The following TENM3 variants were observed in gnomAD, a reference collection of about 807,000 sequenced individuals.
TENM3 encodes the protein teneurin transmembrane protein 3.
TENM3 carries 63 observed loss-of-function variants against 255.1 expected under a neutral mutation model. That is an observed-to-expected ratio of 0.25 (90% CI 0.20 to 0.30). The LOEUF (loss-of-function observed/expected upper bound fraction) is 0.30, where lower values mean the gene tolerates loss of function less well. TENM3 is among the 10% of genes least tolerant of loss of function. The pLI, the probability that TENM3 is intolerant of heterozygous loss-of-function variation, is 1.00. For missense variants in TENM3, 2,929 were observed against 3,461.1 expected, an observed-to-expected ratio of 0.85 and a Z score of 3.86; for synonymous variants, 1,306 against 1,322.3, an observed-to-expected ratio of 0.99 and a Z score of 0.27.
chr4:182,214,119 T>C (rs1755273171), intron 1 of TENM3, among the ~76,000 whole-genome samples: 2 of 151,992 alleles, frequency 1.3e-5, no homozygotes, highest in African/African-American at 4.8e-5. Flanking sequence ...CAGCTTTTCT[T>C]AAATGAGAGA....
At chr4:181,684,094 A>G in the TENM3 span, among the ~76,000 whole-genome samples, 1 of 152,140 alleles carries the variant, frequency 6.6e-6, no homozygotes, top group African/African-American at 2.4e-5. Context: ...GTCCAAGTGG[A>G]CTGCTTTGCT....
At chr4:181,582,682 AAAAAG>A in the TENM3 span, among the ~76,000 whole-genome samples, 18 of 147,342 alleles carry the variant, frequency 1.2e-4, no homozygotes, top group African/African-American at 3.6e-4. Flanking sequence ...AAAAAAAAAA[AAAAAG>A]AAAGAAAGAA....
chr4:182,157,972 T>C (rs1750826638), intron 1 of TENM3, among the ~76,000 whole-genome samples: 1 of 152,242 alleles, frequency 6.6e-6, no homozygotes, highest in Non-Finnish European at 1.5e-5. Context: ...CTTTGTCCTT[T>C]TTTTCCCCAT....
chr4:182,685,127 G>A (rs944497373), intron 11 of TENM3, among the ~76,000 whole-genome samples: 4 of 152,066 alleles, frequency 2.6e-5, no homozygotes, highest in Non-Finnish European at 5.9e-5. Flanking sequence ...ACTACTTAGA[G>A]ACAAGTTTTC....
chr4:181,686,647 T>C, the TENM3 span, among the ~76,000 whole-genome samples: 2 of 152,186 alleles, frequency 1.3e-5, no homozygotes, highest in Non-Finnish European at 2.9e-5. Flanking sequence ...CATAAACCTG[T>C]GGAGAAAGAC....
the TENM3 span, among the ~76,000 whole-genome samples, chr4:181,570,188 G>A: frequency 1.3e-5 from 2 of 151,864 alleles, no homozygotes; most frequent in African/African-American, 2.4e-5. Context: ...TGGGACTACA[G>A]GCGCCCGCCA....
chr4:182,390,094 C>A (rs1018651161), intron 3 of TENM3, among the ~76,000 whole-genome samples: 24 of 152,104 alleles, frequency 1.6e-4, no homozygotes, highest in African/African-American at 5.6e-4. Flanking sequence ...ACTGTATTAG[C>A]GTTAAACTTT....
chr4:181,949,483 T>C, the TENM3 span, among the ~76,000 whole-genome samples: 1 of 152,202 alleles, frequency 6.6e-6, no homozygotes, highest in Non-Finnish European at 1.5e-5. Flanking sequence ...CTGCAAATCC[T>C]ATTATTTTCC....
At chr4:181,800,800 A>G in the TENM3 span, among the ~76,000 whole-genome samples, 39,458 of 151,890 alleles carry the variant, frequency 0.26, 5,245 homozygotes, top group South Asian at 0.36. Context: ...TATATTAAGC[A>G]CTGAGAACAG....
chr4:182,147,305 A>G (rs59072859), intron 1 of TENM3, among the ~76,000 whole-genome samples: 1,584 of 152,254 alleles, frequency 0.01, 35 homozygotes, highest in African/African-American at 0.036. Flanking sequence ...CTGTTAATGT[A>G]TGTTTGGAGA....
the TENM3 span, among the ~76,000 whole-genome samples, chr4:182,093,966 T>C: frequency 2.6e-5 from 4 of 152,250 alleles, no homozygotes; most frequent in Non-Finnish European, 5.9e-5. Flanking sequence ...TTGTAAAATA[T>C]AATTTTTAAC....
chr4:182,361,021 C>G lies in TENM3; in HGVS notation c.511+14092C>G, dbSNP rs190060526. Among the ~76,000 whole-genome samples the G allele has an allele frequency of 4.9e-3, 744 of 152,276 alleles. 1 individual carries two copies. The highest frequency in any genetic ancestry group is 0.017 in the African/African-American group (686 of 41,556). ...GATATGAAATTCTGGGTTGAAAATT[C>G]TTTTCTTTAAGAATGTTTAATATTG... On this transcript the variant is annotated intron_variant, in intron 3 of 27. Transcript: ENST00000511685.
the TENM3 span, among the ~76,000 whole-genome samples, chr4:181,710,657 G>C: frequency 2.0e-5 from 3 of 152,128 alleles, no homozygotes; most frequent in South Asian, 4.1e-4. Context: ...GGGAAGCAGA[G>C]TTTGCAGTGA....
the TENM3 span, among the ~76,000 whole-genome samples, chr4:181,870,449 C>T: frequency 6.6e-6 from 1 of 152,068 alleles, no homozygotes; most frequent in African/African-American, 2.4e-5. Flanking sequence ...CTCCATTTGT[C>T]CCAAATAACA....
the TENM3 span, among the ~76,000 whole-genome samples, chr4:181,482,671 G>T: frequency 0.52 from 78,305 of 151,960 alleles, 21,822 homozygotes; most frequent in Non-Finnish European, 0.62. Flanking sequence ...TAAGAGGAAA[G>T]ATATCCTCAC....
chr4:182,799,583 G>C lies in TENM3; in HGVS notation c.7345-13G>C, dbSNP rs1481146228. ...CCGCCTCTGACGCGCCCCCTCTTTT[G>C]TTTCGCCCGCAGCCCATCTTCGGAG... is the stretch of plus-strand genomic sequence containing the variant. On this transcript the variant is annotated splice_polypyrimidine_tract_variant and intron_variant, in intron 27 of 27. Transcript: ENST00000511685. This position sits in a 1 kb window ranked among gnomAD's most constrained non-coding sequence, Gnocchi z 4.2. 1 of 1,533,682 alleles carries C rather than the reference G, an allele frequency of 6.5e-7. No individual in the cohort carries two copies. The highest frequency in any genetic ancestry group is 8.7e-7 in the Non-Finnish European group (1 of 1,145,606).
At chr4:182,220,378 C>CA (rs60851113) in intron 1 of TENM3, among the ~76,000 whole-genome samples, 7,137 of 77,172 alleles carry the variant, frequency 0.092, 707 homozygotes, top group Admixed American at 0.13. Flanking sequence ...CTCTGTCTCA[C>CA]AAAAAAAAAA....
chr4:182,201,511 A>T (rs1754184855), intron 1 of TENM3, among the ~76,000 whole-genome samples: 1 of 152,004 alleles, frequency 6.6e-6, no homozygotes, highest in African/African-American at 2.4e-5. Flanking sequence ...TGCAGGTGGG[A>T]GAGGGTGAGG....
At chr4:182,722,497 A>G (rs1391701833) in intron 13 of TENM3, among the ~76,000 whole-genome samples, 1 of 152,034 alleles carries the variant, frequency 6.6e-6, no homozygotes, top group African/African-American at 2.4e-5. Context: ...CAAGGAGCTT[A>G]ATGAGACAGT....
Sources: gnomAD v4.1 joint callset for allele counts (sites outside exome capture counted in the v4.1 genomes callset) on GRCh38, gnomAD v4.1.1 for gene constraint, Gnocchi (gnomAD v3.1) non-coding constraint, MANE v1.5 for transcripts, NCBI Gene and HGNC (gene_info 2026-07-23, HGNC 2026-07-21) for gene names.